Variants in GALNT13 observed in about 807,000 individuals in gnomAD.
The protein encoded by GALNT13 is polypeptide N-acetylgalactosaminyltransferase 13.
Under a neutral mutation model 64.2 loss-of-function variants are expected in GALNT13, and 28 were observed. The observed-to-expected ratio is 0.44, with a 90% CI of 0.32 to 0.60. GALNT13 has a LOEUF of 0.60. GALNT13 is among the 20% of genes least tolerant of loss of function. The pLI is 0.05. For missense variants in GALNT13, 577 were observed against 669.8 expected (o/e 0.86, Z 1.53); for synonymous variants, 214 against 224.6 (o/e 0.95, Z 0.42).
the GALNT13 span, among the ~76,000 whole-genome samples, chr2:153,091,149 G>A: frequency 7.2e-5 from 11 of 152,072 alleles, no homozygotes; most frequent in African/African-American, 2.4e-4. Context: ...GTGCCTAGTC[G>A]AAACCACTAT....
At chr2:153,339,064 A>T in the GALNT13 span, among the ~76,000 whole-genome samples, 1 of 152,218 alleles carries the variant, frequency 6.6e-6, no homozygotes, top group East Asian at 1.9e-4. Context: ...GGCTGTGTTG[A>T]ATAATGCTGT....
the GALNT13 span, chr2:153,421,718 G>T: frequency 3.5e-6 from 1 of 286,952 alleles, no homozygotes; most frequent in Non-Finnish European, 7.1e-6. Context: ...AAGAGCTGGT[G>T]GTAGGTGCCA....
chr2:153,908,013 A>G (rs1391624774), intron 2 of GALNT13, among the ~76,000 whole-genome samples: 1 of 152,098 alleles, frequency 6.6e-6, no homozygotes, highest in Non-Finnish European at 1.5e-5. Flanking sequence ...GAACTAATTT[A>G]CACTCCCACC....
chr2:153,832,922 T>C, the GALNT13 span, among the ~76,000 whole-genome samples: 1 of 152,166 alleles, frequency 6.6e-6, no homozygotes, highest in African/African-American at 2.4e-5. Context: ...TATACAGTAG[T>C]CCCCTTTTAT....
At chr2:153,219,904 C>T in the GALNT13 span, among the ~76,000 whole-genome samples, 1 of 152,256 alleles carries the variant, frequency 6.6e-6, no homozygotes, top group African/African-American at 2.4e-5. Flanking sequence ...ATATTTAGTG[C>T]AATTGTTAAG....
the GALNT13 span, among the ~76,000 whole-genome samples, chr2:153,317,652 C>T: frequency 2.9e-4 from 44 of 151,964 alleles, no homozygotes; most frequent in East Asian, 8.1e-3. Flanking sequence ...CATACTGATA[C>T]CAGGCAGTTA....
At chr2:153,440,408 C>T in the GALNT13 span, among the ~76,000 whole-genome samples, 7 of 152,276 alleles carry the variant, frequency 4.6e-5, no homozygotes, top group South Asian at 1.5e-3. Context: ...TTGCAATAAA[C>T]ATATGTGTGC....
chr2:153,743,595 T>A, the GALNT13 span, among the ~76,000 whole-genome samples: 1 of 152,142 alleles, frequency 6.6e-6, no homozygotes. Flanking sequence ...GATGTTTTGA[T>A]ACAGGCATGC....
the GALNT13 span, among the ~76,000 whole-genome samples, chr2:153,707,793 G>A: frequency 6.6e-6 from 1 of 152,166 alleles, no homozygotes; most frequent in Non-Finnish European, 1.5e-5. Flanking sequence ...TTATATGTGT[G>A]AGTATGGACT....
At chr2:153,371,830 T>G in the GALNT13 span, among the ~76,000 whole-genome samples, 24,541 of 152,168 alleles carry the variant, frequency 0.16, 2,039 homozygotes, top group African/African-American at 0.19. Flanking sequence ...AAATACCTGG[T>G]GATCTTTGGA....
At chr2:154,362,768 C>G (rs1356611315) in intron 9 of GALNT13, among the ~76,000 whole-genome samples, 2 of 152,150 alleles carry the variant, frequency 1.3e-5, no homozygotes, top group Non-Finnish European at 2.9e-5. Flanking sequence ...AAAATACTGC[C>G]TACAAGTGGC....
the GALNT13 span, among the ~76,000 whole-genome samples, chr2:153,755,204 G>C: frequency 6.6e-6 from 1 of 152,244 alleles, no homozygotes; most frequent in African/African-American, 2.4e-5. Flanking sequence ...GTTTGTGTTT[G>C]TTTGTTTTTT....
the GALNT13 span, among the ~76,000 whole-genome samples, chr2:153,348,690 G>A: frequency 1.3e-5 from 2 of 152,312 alleles, no homozygotes; most frequent in African/African-American, 4.8e-5. Flanking sequence ...TGGAGTCTGT[G>A]TGTTTTGAGA....
At chr2:154,380,273 T>C (rs562943171) in intron 9 of GALNT13, among the ~76,000 whole-genome samples, 23 of 152,160 alleles carry the variant, frequency 1.5e-4, no homozygotes, top group African/African-American at 5.3e-4. Flanking sequence ...AGCTAGCATA[T>C]GATGCACCTG....
the GALNT13 span, among the ~76,000 whole-genome samples, chr2:153,317,893 G>A: frequency 0.3 from 45,702 of 151,516 alleles, 7,560 homozygotes; most frequent in Non-Finnish European, 0.39. Flanking sequence ...TTTTCACCAA[G>A]TGCCTTGCAG....
chr2:153,451,159 CTAATT>C, the GALNT13 span, among the ~76,000 whole-genome samples: 27 of 152,106 alleles, frequency 1.8e-4, no homozygotes, highest in South Asian at 4.2e-3. Flanking sequence ...TAAAAATAAT[CTAATT>C]TATAACCTCA....
chr2:153,692,651 G>A, the GALNT13 span, among the ~76,000 whole-genome samples: 8 of 152,232 alleles, frequency 5.3e-5, no homozygotes, highest in East Asian at 5.8e-4. Flanking sequence ...CACCAGAAGC[G>A]ATTTGCTTTC....
chr2:154,315,987 C>T (rs1291655655), intron 9 of GALNT13, among the ~76,000 whole-genome samples: 1 of 152,106 alleles, frequency 6.6e-6, no homozygotes, highest in African/African-American at 2.4e-5. Context: ...ACTCAGAAGG[C>T]TGAGGCAGTA....
chr2:154,145,370 G>A (rs1481165026), intron 4 of GALNT13, among the ~76,000 whole-genome samples: 3 of 151,674 alleles, frequency 2.0e-5, no homozygotes, highest in Non-Finnish European at 4.4e-5. Flanking sequence ...TTGTAAATTT[G>A]TATATTTTGG....
Sources: allele counts gnomAD v4.1 joint callset (sites outside exome capture counted in the v4.1 genomes callset), GRCh38; gene constraint gnomAD v4.1.1; transcripts MANE v1.5; gene names NCBI Gene and HGNC (gene_info 2026-07-23, HGNC 2026-07-21).